COQ6: variants seen among roughly 807,000 people sequenced by gnomAD.
COQ6 encodes the protein ubiquinone biosynthesis monooxygenase COQ6, mitochondrial.
COQ6 carries 45 observed loss-of-function variants against 55.5 expected under a neutral mutation model. The observed-to-expected ratio is 0.81, with a 90% CI of 0.64 to 1.04. The LOEUF is 1.04. Ranked by LOEUF, COQ6 falls within the 50% of genes least tolerant of loss-of-function variation. The pLI, the probability that COQ6 is intolerant of heterozygous loss-of-function variation, is 0.00. For missense variants in COQ6, 550 were observed against 601.3 expected (o/e 0.91, Z 0.89); for synonymous variants, 206 against 230.5 (o/e 0.89, Z 0.96).
At position 73,955,793 on chromosome 14, in the gene COQ6, T is replaced by C. The variant is rs374718643; in HGVS notation, c.358-12T>C. The stretch of plus-strand genomic sequence containing the variant: ...CTTGGTTTTAATGCAGACTTTCCTT[T>C]TGTGTTTCCAGGTGTGGGACGCCTG... On this transcript the variant is annotated splice_polypyrimidine_tract_variant and intron_variant, in intron 3 of 11. Coordinates refer to ENST00000334571, the MANE Select transcript of COQ6 (RefSeq NM_182476.3). 1.9e-6 allele frequency: 3 copies of C among 1,614,078 alleles called. No homozygotes were observed. The African/African-American group carries it at 4.0e-5, about 22-fold the overall frequency.
intron 6 of COQ6, 21 bp downstream of exon 6, chr14:73,959,099 C>G (rs1313758106): frequency 3.1e-6 from 5 of 1,614,146 alleles, no homozygotes; most frequent in Admixed American, 1.7e-5. Context: ...GAGCTGCCAT[C>G]TGGGGACTTT....
chr14:73,953,732 T>TA (rs747652794), intron 2 of COQ6, 163 bp downstream of exon 2: 2 of 867,930 alleles, frequency 2.3e-6, no homozygotes, highest in Non-Finnish European at 3.8e-6. Flanking sequence ...GTTGAAGATG[T>TA]GGACCCCTGC....
intron 1 of COQ6, among the ~76,000 whole-genome samples, chr14:73,952,053 C>G (rs1388950598): frequency 6.7e-6 from 1 of 149,982 alleles, no homozygotes; most frequent in African/African-American, 2.4e-5. Context: ...TCCCTGTGCC[C>G]CATCCTCCAC....
intron 2 of COQ6, chr14:73,955,200 G>A (rs376515388): frequency 7.6e-6 from 4 of 529,616 alleles, no homozygotes; most frequent in Non-Finnish European, 1.4e-5. Flanking sequence ...TGATCCGCCC[G>A]CCTCAGTCTC....
At chr14:73,950,173 G>A, upstream of COQ6, 1 of 1,575,970 alleles carries the variant, frequency 6.3e-7, no homozygotes, top group Non-Finnish European at 8.6e-7. Flanking sequence ...CCCGCCCGAG[G>A]AGGCAAGGTT....
Position 73,955,466 on chromosome 14 carries a change from A to G in COQ6, c.314A>G (p.Asp105Gly), listed in dbSNP as rs866650665. 3 of 1,613,998 alleles carry G rather than the reference A, an allele frequency of 1.9e-6. No individual in the cohort carries two copies. In the African/African-American group the frequency reaches 4.0e-5, roughly 22 times the overall value. ...TCTTTTGTAGGTTTTGGTGCCTGGG[A>G]CCATATCTGCAACATGAGATACAGA... ...ATLLSSFGAW[D>G]HICNMRYRAF... The change falls in exon 3 of 12, where the codon GAC becomes GGC. Residue 105 changes from aspartate (D) to glycine (G), a missense_variant. Asp to Gly is a moderately conservative substitution (Grantham distance 94). Transcript: ENST00000334571.
chr14:73,953,537 C>T lies in COQ6; in HGVS notation c.266C>T (p.Ser89Phe). 1 of 1,614,184 alleles carries T rather than the reference C, an allele frequency of 6.2e-7. No homozygotes were observed. The highest frequency in any genetic ancestry group is 2.2e-5 in the East Asian group (1 of 44,884). The change falls in exon 2 of 12, where the codon TCC becomes TTC. Residue 89 changes from serine to phenylalanine, a missense_variant. Coordinates refer to ENST00000334571, the MANE Select transcript of COQ6 (RefSeq NM_182476.3). ...GAAACTTACAGCAACAGGGTCAGCT[C>T]CATTTCCCCTGGCTCTGCAACGCTT... The part of the protein sequence containing the change: ...LSETYSNRVS[S>F]ISPGSATLLS...
intron 1 of COQ6, among the ~76,000 whole-genome samples, chr14:73,951,649 ATT>A (rs35049412): frequency 2.1e-4 from 29 of 135,672 alleles, no homozygotes; most frequent in South Asian, 4.6e-4. Context: ...TTTTTTTGTG[ATT>A]TTTTTTTTTT....
At chr14:73,950,250 G>A (rs760822637), upstream of COQ6, 105 of 1,538,328 alleles carry the variant, frequency 6.8e-5, no homozygotes, top group Non-Finnish European at 8.9e-5. Context: ...GCGGAAGCGG[G>A]ACGGGATTGG....
At chr14:73,954,318 G>A (rs1287733898) in intron 2 of COQ6, among the ~76,000 whole-genome samples, 2 of 152,132 alleles carry the variant, frequency 1.3e-5, no homozygotes. Flanking sequence ...ATAGAACATA[G>A]GCCAGGCACA....
chr14:73,962,004 G>C, intron 11 of COQ6, 101 bp downstream of exon 11: 1 of 1,383,394 alleles, frequency 7.2e-7, no homozygotes. Flanking sequence ...ATGGAGTGCA[G>C]TGGCACAATT....
upstream of COQ6, chr14:73,950,194 T>C (rs753993711): frequency 3.2e-6 from 5 of 1,551,228 alleles, no homozygotes; most frequent in Non-Finnish European, 4.3e-6. Context: ...CGTTTTCCGA[T>C]TGGCCTATTT....
chr14:73,963,504 T>C lies in COQ6; in HGVS notation c.*505T>C, dbSNP rs17111887. ...TGGACTTTCTGAAAGGAAAACCAGG[T>C]CTCATTAATGCTAGTTATTACTTTA... On this transcript the variant is annotated 3_prime_UTR_variant, in exon 12 of 12. Transcript: ENST00000334571. 2 of 176,902 alleles carry C rather than the reference T, an allele frequency of 1.1e-5. No homozygotes were observed. Among genetic ancestry groups the C allele is most frequent in the East Asian group, 3.3e-4 (2 of 6,080 alleles). The allele number at this position is 176,902 out of a possible 1,614,324, so 11.0% of individuals were successfully genotyped here.
Position 73,961,332 on chromosome 14 carries a change from G to C in COQ6, c.1051G>C (p.Gly351Arg). 1 of 1,614,196 alleles carries C rather than the reference G, an allele frequency of 6.2e-7. No individual in the cohort carries two copies. Among genetic ancestry groups the C allele is most frequent in the Non-Finnish European group, 8.5e-7 (1 of 1,180,042 alleles). ...CCGAGTTCTGTTTCCTCTTGGGTTG[G>C]GACATGCTGCTGAGTACGTCAGGCC... ...KSRVLFPLGL[G>R]HAAEYVRPRV... is the part of the protein sequence containing the mutation. The change falls in exon 9 of 12, where the codon GGA becomes CGA. Residue 351 changes from glycine to arginine, a missense_variant. Transcript: ENST00000334571.
Position 73,963,342 on chromosome 14 carries a change from G to T in COQ6, c.*343G>T. On this transcript the variant is annotated 3_prime_UTR_variant, in exon 12 of 12. Coordinates refer to ENST00000334571, the MANE Select transcript of COQ6 (RefSeq NM_182476.3). The stretch of plus-strand genomic sequence containing the variant: ...TACATTTTGTTTTTGTTTTAATGTT[G>T]GTCATAAATTTATACAGTTGTTTTT... 1 of 416,948 alleles carries T rather than the reference G, an allele frequency of 2.4e-6. No individual in the cohort carries two copies. The highest frequency in any genetic ancestry group is 4.2e-6 in the Non-Finnish European group (1 of 236,200). The allele number at this position is 416,948 out of a possible 1,614,324, so 25.8% of individuals were successfully genotyped here.
chr14:73,955,790 CT>C lies in COQ6; in HGVS notation c.358-11del, dbSNP rs767633062. 4 of 1,614,098 alleles carry C rather than the reference CT, an allele frequency of 2.5e-6. No homozygotes were observed. The highest frequency in any genetic ancestry group is 2.5e-6 in the Non-Finnish European group (3 of 1,180,020). On this transcript the variant is annotated splice_polypyrimidine_tract_variant and intron_variant, in intron 3 of 11. Transcript: ENST00000334571. Reference sequence around the variant, plus strand: ...CCTCTTGGTTTTAATGCAGACTTTCCTTTTGTGTTTCCAGGTGTGGGACGCC... The same window carrying C: ...CCTCTTGGTTTTAATGCAGACTTTCCTTTGTGTTTCCAGGTGTGGGACGCC...
At chr14:73,953,893 G>T (rs541726154) in intron 2 of COQ6, 1 of 400,114 alleles carries the variant, frequency 2.5e-6, no homozygotes, top group Non-Finnish European at 4.7e-6. Flanking sequence ...TGAATAGCAG[G>T]GCTCTCTTCA....
At chr14:73,950,296 T>C (rs1222454303), upstream of COQ6, 39 of 1,542,240 alleles carry the variant, frequency 2.5e-5, no homozygotes, top group Non-Finnish European at 3.3e-5. Context: ...TAGGTGGGCC[T>C]GCGGGAGTTC....
intron 8 of COQ6, chr14:73,960,314 G>C (rs138689044): frequency 4.4e-5 from 43 of 986,126 alleles, no homozygotes; most frequent in Non-Finnish European, 5.1e-5. Flanking sequence ...AAAATCCATG[G>C]AACATCTTTA....
Sources: gnomAD v4.1 joint callset for allele counts (sites outside exome capture counted in the v4.1 genomes callset) on GRCh38, gnomAD v4.1.1 for gene constraint, MANE v1.5 for transcripts, NCBI Gene and HGNC (gene_info 2026-07-23, HGNC 2026-07-21) for gene names.